The following NFATC2 variants were observed in gnomAD, a reference collection of about 807,000 sequenced individuals.
NFATC2 encodes the protein nuclear factor of activated T cells 2, also known as nuclear factor of activated T-cells, cytoplasmic 2.
NFATC2 carries 22 observed loss-of-function variants against 87.3 expected under a neutral mutation model. The ratio of observed to expected loss-of-function variants is 0.25; its 90% CI spans 0.18 to 0.36. The LOEUF is 0.36. Among genes scored for constraint, NFATC2 ranks in the 10% least tolerant of loss-of-function variants. NFATC2 has a pLI of 1.00. For synonymous variants in NFATC2, 565 were observed against 542.2 expected, an observed-to-expected ratio of 1.04 and a Z score of -0.58; for missense variants, 1,149 against 1,259.1, an observed-to-expected ratio of 0.91 and a Z score of 1.32.
intron 3 of NFATC2, among the ~76,000 whole-genome samples, chr20:51,498,504 GAAAC>G (rs2076026659): frequency 6.6e-6 from 1 of 152,122 alleles, no homozygotes; most frequent in Non-Finnish European, 1.5e-5. Context: ...TGGAAAAAAA[GAAAC>G]AAACAGAGGC....
rs571313972 is a variant in NFATC2, at chr20:51,484,556, A to G, written c.1333-8896T>C. 5.3e-5 allele frequency among the ~76,000 whole-genome samples: 8 copies of G among 152,350 alleles called. No homozygotes were observed. The East Asian group carries it at 1.5e-3, about 29-fold the overall frequency. On this transcript the variant is annotated intron_variant, in intron 3 of 10. Transcript: ENST00000371564. The stretch of plus-strand genomic sequence containing the variant: ...ACGAGCGAGCAAGGCTAGAAGGAAG[A>G]GTCTGTGACATCATGGGAGGGGCCG...
chr20:51,532,512 TCA>T (rs760943101), intron 1 of NFATC2, among the ~76,000 whole-genome samples: 2 of 152,166 alleles, frequency 1.3e-5, no homozygotes, highest in East Asian at 3.9e-4. Context: ...TCGGGAATGT[TCA>T]CAGTCTCTCC....
chr20:51,523,348 G>A lies in NFATC2; in HGVS notation c.893C>T (p.Ala298Val). ...HGSPAGYPPVAGSAVIMDALN... is the reference protein window; with the variant it reads ...HGSPAGYPPVVGSAVIMDALN... ...GGCATCCATGATCACGGCAGAGCCA[G>A]CCACAGGGGGGTACCCAGCCGGGGA... Residue 298 changes from alanine (A) to valine (V), a missense_variant, in exon 2 of 11, where the codon GCT becomes GTT. Coordinates refer to ENST00000371564, the MANE Select transcript of NFATC2 (RefSeq NM_012340.5). This position sits in a 1 kb window ranked among gnomAD's most constrained non-coding sequence, Gnocchi z 6.9. 3.7e-6 allele frequency: 6 copies of A among 1,612,180 alleles called. No individual in the cohort carries two copies. Among genetic ancestry groups the A allele is most frequent in the Non-Finnish European group, 4.2e-6 (5 of 1,179,128 alleles).
chr20:51,535,247 G>A (rs774388666), intron 1 of NFATC2, among the ~76,000 whole-genome samples: 1 of 152,210 alleles, frequency 6.6e-6, no homozygotes, highest in African/African-American at 2.4e-5. Flanking sequence ...GATGACATGA[G>A]CAGGGGAACA....
intron 3 of NFATC2, among the ~76,000 whole-genome samples, chr20:51,497,890 C>T (rs1446447414): frequency 2.0e-5 from 3 of 152,036 alleles, no homozygotes; most frequent in East Asian, 1.9e-4. Context: ...CTGCAGCCCC[C>T]GGGGGAACTC....
intron 1 of NFATC2, among the ~76,000 whole-genome samples, chr20:51,555,016 A>G (rs2076965690): frequency 6.6e-6 from 1 of 152,168 alleles, no homozygotes; most frequent in Non-Finnish European, 1.5e-5. Flanking sequence ...GAGGGAACAC[A>G]GTTTGAGAAC....
At chr20:51,509,980 G>T (rs757522212) in intron 3 of NFATC2, among the ~76,000 whole-genome samples, 1 of 152,222 alleles carries the variant, frequency 6.6e-6, no homozygotes, top group Admixed American at 6.5e-5. Flanking sequence ...TTCCGCATCT[G>T]CAAGGAATTC....
intron 3 of NFATC2, among the ~76,000 whole-genome samples, chr20:51,510,542 C>T (rs931070872): frequency 1.3e-5 from 2 of 152,212 alleles, no homozygotes; most frequent in Non-Finnish European, 2.9e-5. Flanking sequence ...CAAAGTCAGG[C>T]TTGTGCATTA....
intron 3 of NFATC2, among the ~76,000 whole-genome samples, chr20:51,511,878 C>G (rs1259921555): frequency 6.6e-6 from 1 of 152,220 alleles, no homozygotes; most frequent in East Asian, 1.9e-4. Context: ...ATGTCTTCCC[C>G]TTGCCCTGGA....
intron 1 of NFATC2, among the ~76,000 whole-genome samples, chr20:51,529,477 T>C (rs1326500071): frequency 1.3e-5 from 2 of 152,062 alleles, no homozygotes; most frequent in Non-Finnish European, 2.9e-5. Context: ...ATTTCACAAA[T>C]AGCACATCAT....
intron 7 of NFATC2, 144 bp from the exon 8 acceptor site, chr20:51,435,458 G>A: frequency 7.9e-7 from 1 of 1,263,740 alleles, no homozygotes; most frequent in Non-Finnish European, 1.1e-6. Context: ...AATTTCAGGG[G>A]AATTTAACTT....
chr20:51,549,785 G>T (rs766842312), intron 1 of NFATC2, among the ~76,000 whole-genome samples: 1 of 152,212 alleles, frequency 6.6e-6, no homozygotes, highest in African/African-American at 2.4e-5. Context: ...GCCGGGGCTC[G>T]CTTCATGGGA....
chr20:51,491,871 TACACATACACACACACACAC>T lies in NFATC2; in HGVS notation c.1333-16231_1333-16212del, dbSNP rs1291474711. The stretch of plus-strand genomic sequence containing the variant: ...AGCCCCACCCCCACCAACACACACA[TACACATACACACACACACAC>T]ACACACACACACACACACACACACA... On this transcript the variant is annotated intron_variant, in intron 3 of 10. Transcript: ENST00000371564. 4.9e-3 allele frequency among the ~76,000 whole-genome samples: 421 copies of T among 86,368 alleles called. 16 individuals are homozygous for T. The East Asian group carries it at 0.11, about 23-fold the overall frequency. The allele number at this position is 86,368 out of a possible 152,430, so 56.7% of individuals were successfully genotyped here.
At chr20:51,409,074 G>A (rs1340167363) in intron 9 of NFATC2, among the ~76,000 whole-genome samples, 1 of 152,234 alleles carries the variant, frequency 6.6e-6, no homozygotes, top group East Asian at 1.9e-4. Flanking sequence ...TTAACTGTCT[G>A]ACAGTATCAA....
At chr20:51,486,455 A>C (rs1377294037) in intron 3 of NFATC2, among the ~76,000 whole-genome samples, 4 of 152,136 alleles carry the variant, frequency 2.6e-5, no homozygotes, top group African/African-American at 9.7e-5. Context: ...TTCAGGTCTC[A>C]GCCTAAATGC....
intron 3 of NFATC2, among the ~76,000 whole-genome samples, chr20:51,509,696 T>G (rs930464855): frequency 1.3e-5 from 2 of 152,214 alleles, no homozygotes; most frequent in African/African-American, 4.8e-5. Context: ...CTGTCACGAG[T>G]GCAGCTTTCA....
chr20:51,435,631 G>A (rs368365128), intron 7 of NFATC2, 75 bp downstream of exon 7: 4 of 1,476,940 alleles, frequency 2.7e-6, no homozygotes, highest in East Asian at 2.4e-5. Context: ...GAAGGAAGGA[G>A]GGAAAGAAGG....
intron 10 of NFATC2, among the ~76,000 whole-genome samples, chr20:51,391,933 G>A (rs376086602): frequency 1.6e-4 from 25 of 152,228 alleles, no homozygotes; most frequent in African/African-American, 6.0e-4. Context: ...TTTTGCTAAA[G>A]ATCTGTTAGT....
intron 9 of NFATC2, among the ~76,000 whole-genome samples, chr20:51,401,632 C>T (rs777650413): frequency 5.9e-5 from 9 of 152,136 alleles, no homozygotes; most frequent in Non-Finnish European, 1.0e-4. Flanking sequence ...CAAATCCTCC[C>T]AAAGACACAG....
Sources: gnomAD v4.1 joint callset for allele counts (sites outside exome capture counted in the v4.1 genomes callset) on GRCh38, gnomAD v4.1.1 for gene constraint, Gnocchi (gnomAD v3.1) non-coding constraint, MANE v1.5 for transcripts, NCBI Gene and HGNC (gene_info 2026-07-23, HGNC 2026-07-21) for gene names.